AGAP1: variants seen among roughly 807,000 people sequenced by gnomAD.
AGAP1 encodes the protein arf-GAP with GTPase, ANK repeat and PH domain-containing protein 1.
A neutral mutation model predicts 105.3 loss-of-function variants in AGAP1; 29 were observed. The observed-to-expected ratio is 0.28, with a 90% CI of 0.21 to 0.38. AGAP1 has a LOEUF of 0.38. AGAP1 is among the 10% of genes least tolerant of loss of function. AGAP1 has a pLI of 1.00. For synonymous variants in AGAP1, 509 were observed against 485.9 expected (o/e 1.05, Z -0.63); for missense variants, 998 against 1,165.1 (o/e 0.86, Z 2.09).
intron 1 of AGAP1, among the ~76,000 whole-genome samples, chr2:235,626,088 C>T (rs1306715936): frequency 6.6e-6 from 1 of 152,012 alleles, no homozygotes; most frequent in Admixed American, 6.6e-5. Flanking sequence ...GTGGCTCATG[C>T]CTGTAATCCC....
At chr2:235,675,465 G>C (rs999576126) in intron 1 of AGAP1, among the ~76,000 whole-genome samples, 1 of 152,038 alleles carries the variant, frequency 6.6e-6, no homozygotes, top group African/African-American at 2.4e-5. Context: ...AAGCCTGAGC[G>C]ACCGCGCCTG....
At chr2:235,497,827 AC>A (rs1369398120) in intron 1 of AGAP1, among the ~76,000 whole-genome samples, 2 of 151,720 alleles carry the variant, frequency 1.3e-5, no homozygotes, top group African/African-American at 4.8e-5. Context: ...CCGTCTCCTA[AC>A]CTCGTGATCC....
chr2:235,696,985 C>CAA (rs548086109), intron 1 of AGAP1, among the ~76,000 whole-genome samples: 1,901 of 143,428 alleles, frequency 0.013, 53 homozygotes, highest in African/African-American at 0.046. Context: ...GACTCGATCT[C>CAA]AAAAAAAAAA....
At chr2:236,031,257 A>C (rs1388562209) in intron 13 of AGAP1, among the ~76,000 whole-genome samples, 1 of 152,186 alleles carries the variant, frequency 6.6e-6, no homozygotes, top group Non-Finnish European at 1.5e-5. Context: ...CTAAACTTGA[A>C]GTTTGCCTTC....
Position 235,751,574 on chromosome 2 carries a change from T to TA in AGAP1, c.673+1087dup, listed in dbSNP as rs1306074647. Reference sequence around the variant, plus strand: ...TCCTCCAAATGGGGCAATTTTCTATTACATGTTTAAATTAGTCTTCAGATG... The same window carrying TA: ...TCCTCCAAATGGGGCAATTTTCTATTAACATGTTTAAATTAGTCTTCAGATG... On this transcript the variant is annotated intron_variant, in intron 6 of 17. Coordinates refer to ENST00000304032, the MANE Select transcript of AGAP1 (RefSeq NM_001037131.3). The surrounding 1 kb of genome is among the most constrained non-coding windows in gnomAD (Gnocchi z 5.3). Among the ~76,000 whole-genome samples, 5 of 152,196 alleles carry TA rather than the reference T, an allele frequency of 3.3e-5. No homozygotes were observed. The highest frequency in any genetic ancestry group is 4.8e-5 in the African/African-American group (2 of 41,436).
intron 9 of AGAP1, among the ~76,000 whole-genome samples, chr2:235,881,905 T>C (rs192090919): frequency 1.3e-5 from 2 of 152,382 alleles, no homozygotes; most frequent in Admixed American, 1.3e-4. Context: ...GATTCATCTA[T>C]TAAATACTGT....
rs199579031 is a variant in AGAP1, at chr2:236,095,346, A to G, written c.2115-24846A>G. On this transcript the variant is annotated intron_variant, in intron 16 of 17. Transcript: ENST00000304032. The surrounding 1 kb of genome is among the most constrained non-coding windows in gnomAD (Gnocchi z 4.1). ...CAGGAAGTCAAGGCTGCAGTGAGCCATGATCATGCCACTGCATTCCAGCCT... is the reference window on the plus strand; with the variant it reads ...CAGGAAGTCAAGGCTGCAGTGAGCCGTGATCATGCCACTGCATTCCAGCCT... Among the ~76,000 whole-genome samples, 1 of 152,138 alleles carries G rather than the reference A, an allele frequency of 6.6e-6. No homozygotes were observed. The highest frequency in any genetic ancestry group is 2.1e-4 in the South Asian group (1 of 4,820).
intron 1 of AGAP1, among the ~76,000 whole-genome samples, chr2:235,668,881 T>TGG (rs1331556029): frequency 2.0e-5 from 3 of 152,198 alleles, no homozygotes; most frequent in African/African-American, 7.2e-5. Context: ...GAAAAGCAAG[T>TGG]GGTTTGTCAG....
At chr2:235,618,356 A>G (rs1247252710) in intron 1 of AGAP1, among the ~76,000 whole-genome samples, 1 of 152,134 alleles carries the variant, frequency 6.6e-6, no homozygotes, top group African/African-American at 2.4e-5. Flanking sequence ...CCTACTCTAC[A>G]GAGTGAATGT....
chr2:235,662,364 A>G lies in AGAP1; in HGVS notation c.164-46815A>G, dbSNP rs1217470011. ...TGAGGAAAGTCTTGGTATGTAACCA[A>G]CCAGGTCTCACCTTCAGCCACACTC... On this transcript the variant is annotated intron_variant, in intron 1 of 17. Transcript: ENST00000304032. The surrounding 1 kb of genome is among the most constrained non-coding windows in gnomAD (Gnocchi z 4.2). Among the ~76,000 whole-genome samples the G allele has an allele frequency of 1.3e-5, 2 of 152,154 alleles. No individual in the cohort carries two copies. Among genetic ancestry groups the G allele is most frequent in the South Asian group, 2.1e-4 (1 of 4,828 alleles).
chr2:235,506,947 TCA>T (rs1193481155), intron 1 of AGAP1: 2 of 152,850 alleles, frequency 1.3e-5, no homozygotes, highest in Non-Finnish European at 1.5e-5. Context: ...TTATCGTCTC[TCA>T]CAGGACTTGA....
rs2055189762 is a variant in AGAP1 at position 235,983,739 on chromosome 2, G to T, written c.1645+15116G>T. The stretch of plus-strand genomic sequence containing the variant: ...TTTTGATACAGTCACATACTGTATG[G>T]GTTTATGCCCTGGGAGCAATAGGCT... On this transcript the variant is annotated intron_variant, in intron 13 of 17. Coordinates refer to ENST00000304032, the MANE Select transcript of AGAP1 (RefSeq NM_001037131.3). This position sits in a 1 kb window ranked among gnomAD's most constrained non-coding sequence, Gnocchi z 4.5. 6.6e-6 allele frequency among the ~76,000 whole-genome samples: 1 copy of T among 152,150 alleles called. No homozygotes were observed. Among genetic ancestry groups the T allele is most frequent in the Non-Finnish European group, 1.5e-5 (1 of 68,030 alleles).
Position 235,538,830 on chromosome 2 carries a change from C to T in AGAP1, c.163+43981C>T, listed in dbSNP as rs112965259. On this transcript the variant is annotated intron_variant, in intron 1 of 17. Coordinates refer to ENST00000304032, the MANE Select transcript of AGAP1 (RefSeq NM_001037131.3). ...TGGAATTCTAGTGTGGGAAAGCTTA[C>T]TTACTATTACTTTATTATGGCATTT... is the stretch of plus-strand genomic sequence containing the variant. Among the ~76,000 whole-genome samples the T allele has an allele frequency of 7.9e-3, 1,200 of 152,214 alleles. 16 individuals carry two copies. Among genetic ancestry groups the T allele is most frequent in the African/African-American group, 0.027 (1,123 of 41,520 alleles).
chr2:235,670,149 C>G, intron 1 of AGAP1: 1 of 581,684 alleles, frequency 1.7e-6, no homozygotes, highest in Non-Finnish European at 3.1e-6. Context: ...CCCGCGGACG[C>G]GATGCCGCGC....
chr2:235,913,748 C>A (rs138688627), intron 11 of AGAP1, among the ~76,000 whole-genome samples: 150 of 152,106 alleles, frequency 9.9e-4, no homozygotes, highest in African/African-American at 3.5e-3. Flanking sequence ...TAAAAATAAT[C>A]CCCTCATTGG....
chr2:235,632,857 G>T (rs28682973), intron 1 of AGAP1, among the ~76,000 whole-genome samples: 5 of 152,214 alleles, frequency 3.3e-5, no homozygotes, highest in African/African-American at 1.2e-4. Flanking sequence ...ATGCTCTGCC[G>T]CTTTGATTTC....
chr2:235,922,589 CTT>C (rs1428284504), intron 11 of AGAP1, among the ~76,000 whole-genome samples: 1 of 152,130 alleles, frequency 6.6e-6, no homozygotes, highest in Non-Finnish European at 1.5e-5. Context: ...GTTGATGAAT[CTT>C]TATTTGAATG....
rs992911214 is a variant in AGAP1, at chr2:235,721,404, A to G, written c.310+3760A>G. On this transcript the variant is annotated intron_variant, in intron 3 of 17. Transcript: ENST00000304032. The surrounding 1 kb of genome is among the most constrained non-coding windows in gnomAD (Gnocchi z 4.5). ...AATTAACAACACAAAAGTGGGTAAC[A>G]CCGTAGGGAACTTGTGATTCCATGA... Among the ~76,000 whole-genome samples the G allele has an allele frequency of 6.6e-6, 1 of 152,188 alleles. No individual in the cohort carries two copies. Among genetic ancestry groups the G allele is most frequent in the African/African-American group, 2.4e-5 (1 of 41,446 alleles).
At chr2:235,604,572 CTTTTTTTTTTTT>C (rs1166523228) in intron 1 of AGAP1, among the ~76,000 whole-genome samples, 3 of 69,678 alleles carry the variant, frequency 4.3e-5, no homozygotes, top group African/African-American at 6.7e-5. Context: ...TTTTTATTAT[CTTTTTTTTTTTT>C]TTTTTTTTTT....
Sources: gnomAD v4.1 joint callset for allele counts (sites outside exome capture counted in the v4.1 genomes callset) on GRCh38, gnomAD v4.1.1 for gene constraint, Gnocchi (gnomAD v3.1) non-coding constraint, MANE v1.5 for transcripts, NCBI Gene and HGNC (gene_info 2026-07-23, HGNC 2026-07-21) for gene names.